NAA35: variants seen among roughly 807,000 people sequenced by gnomAD.
NAA35 encodes N-alpha-acetyltransferase 35, NatC auxiliary subunit, also known as MAK10 homolog, amino-acid N-acetyltransferase subunit.
A neutral mutation model predicts 101.7 loss-of-function variants in NAA35; 18 were observed. That is an observed-to-expected ratio of 0.18 (90% confidence interval 0.12 to 0.26). The LOEUF (loss-of-function observed/expected upper bound fraction) is 0.26. NAA35 is among the 10% of genes least tolerant of loss of function. The probability of loss-of-function intolerance (pLI) is 1.00; values close to 1 mark genes in which losing one functional copy is unlikely to be tolerated. For synonymous variants in NAA35, 267 were observed against 273.1 expected (o/e 0.98, Z 0.22); for missense variants, 601 against 886.8 (o/e 0.68, Z 4.09).
At chr9:86,017,233 T>C (rs539702959) in intron 18 of NAA35, among the ~76,000 whole-genome samples, 107 of 152,352 alleles carry the variant, frequency 7.0e-4, no homozygotes, top group African/African-American at 2.5e-3. Context: ...GGGTTTCCTA[T>C]ATAAGAGGTT....
intron 11 of NAA35, chr9:85,986,573 A>G: frequency 2.7e-6 from 1 of 376,154 alleles, no homozygotes; most frequent in Non-Finnish European, 5.3e-6. Flanking sequence ...GCCAATGTGT[A>G]GATCAGAGGT....
intron 2 of NAA35, among the ~76,000 whole-genome samples, chr9:85,953,955 T>C (rs1829131401): frequency 6.6e-6 from 1 of 152,204 alleles, no homozygotes; most frequent in Non-Finnish European, 1.5e-5. Context: ...GTTTCCCATG[T>C]TTTTTGATTG....
intron 2 of NAA35, among the ~76,000 whole-genome samples, chr9:85,952,365 A>G (rs1384475350): frequency 6.7e-6 from 1 of 149,578 alleles, no homozygotes; most frequent in African/African-American, 2.5e-5. Context: ...GGCTCACTAC[A>G]ACTTCTACCT....
intron 4 of NAA35, among the ~76,000 whole-genome samples, chr9:85,959,569 C>G (rs1049260391): frequency 5.3e-5 from 8 of 151,834 alleles, no homozygotes; most frequent in African/African-American, 1.9e-4. Flanking sequence ...ATTGTTTTTA[C>G]AATTATTATT....
intron 11 of NAA35, among the ~76,000 whole-genome samples, chr9:85,983,334 G>A (rs546109387): frequency 6.6e-6 from 1 of 152,268 alleles, no homozygotes; most frequent in South Asian, 2.1e-4. Flanking sequence ...ATTCTTCTTA[G>A]GGAAATCTGA....
chr9:85,962,208 T>C, intron 6 of NAA35, 28 bp downstream of exon 6: 1 of 1,607,078 alleles, frequency 6.2e-7, no homozygotes, highest in South Asian at 1.1e-5. Flanking sequence ...AAGAAATCCT[T>C]GGCCAGGTGC....
intron 10 of NAA35, among the ~76,000 whole-genome samples, chr9:85,977,714 A>G (rs1399131623): frequency 1.3e-5 from 2 of 152,194 alleles, no homozygotes; most frequent in African/African-American, 2.4e-5. Flanking sequence ...AAAAGGAGAA[A>G]GTAAAATTTT....
intron 6 of NAA35, among the ~76,000 whole-genome samples, chr9:85,963,097 G>A (rs1260374236): frequency 6.6e-6 from 1 of 152,128 alleles, no homozygotes; most frequent in South Asian, 2.1e-4. Flanking sequence ...AAATTCTTCT[G>A]TTGAAACTGA....
rs140181232 is a variant in NAA35, at chr9:86,016,345, T to C, written c.1569-194T>C. 9.5e-4 allele frequency among the ~76,000 whole-genome samples: 145 copies of C among 152,342 alleles called. 2 individuals carry two copies. In the East Asian group the frequency reaches 0.021, roughly 22 times the overall value. On this transcript the variant is annotated intron_variant, in intron 17 of 22. Transcript: ENST00000361671. ...CATGTATAATTATCAAGAAATCTTC[T>C]GGAAAGTTGTAAAATGTAGAAAGGG... is the stretch of plus-strand genomic sequence containing the variant.
intron 2 of NAA35, among the ~76,000 whole-genome samples, chr9:85,951,261 A>G (rs1485290551): frequency 1.3e-5 from 2 of 152,238 alleles, no homozygotes; most frequent in Admixed American, 6.5e-5. Context: ...CATTTTTGCA[A>G]ATCACTTCAA....
chr9:85,957,092 CACGTATA>C (rs1271390439), intron 3 of NAA35, among the ~76,000 whole-genome samples: 1 of 152,166 alleles, frequency 6.6e-6, no homozygotes, highest in Non-Finnish European at 1.5e-5. Context: ...GTCAAGAATC[CACGTATA>C]ACCTTTGACT....
intron 5 of NAA35, among the ~76,000 whole-genome samples, chr9:85,961,088 G>A (rs1829493263): frequency 6.6e-6 from 1 of 152,188 alleles, no homozygotes; most frequent in Non-Finnish European, 1.5e-5. Flanking sequence ...GAACTATTCT[G>A]TGAGACTCTT....
intron 6 of NAA35, among the ~76,000 whole-genome samples, chr9:85,968,678 A>C (rs891038735): frequency 6.6e-6 from 1 of 152,108 alleles, no homozygotes; most frequent in Non-Finnish European, 1.5e-5. Flanking sequence ...ATCTGGATAT[A>C]ACCTAATATT....
At chr9:85,943,741 T>C (rs1022286725) in intron 2 of NAA35, among the ~76,000 whole-genome samples, 2 of 152,186 alleles carry the variant, frequency 1.3e-5, no homozygotes, top group Non-Finnish European at 2.9e-5. Context: ...AAGTAATCTC[T>C]ATTAGGGGGC....
chr9:85,987,186 T>G (rs1346826866), intron 11 of NAA35: 1 of 152,056 alleles, frequency 6.6e-6, no homozygotes. Context: ...GTGGAAAACA[T>G]GGTTAGAGGA....
intron 12 of NAA35, among the ~76,000 whole-genome samples, chr9:85,998,208 C>A (rs1020951937): frequency 3.3e-5 from 5 of 152,124 alleles, no homozygotes; most frequent in African/African-American, 1.2e-4. Flanking sequence ...GCCACTGTGC[C>A]CGGCCTTAAG....
chr9:86,013,182 A>G (rs1218304657), intron 16 of NAA35, 38 bp downstream of exon 16: 6 of 1,262,496 alleles, frequency 4.8e-6, no homozygotes, highest in South Asian at 2.7e-5. Context: ...AAATTAAATG[A>G]TGCACACACT....
In NAA35 at chr9:86,013,127, G is replaced by C. The variant is rs771731209; in HGVS notation, c.1372G>C (p.Ala458Pro). 1 of 1,593,602 alleles carries C rather than the reference G, an allele frequency of 6.3e-7. No individual in the cohort carries two copies. Among genetic ancestry groups the C allele is most frequent in the African/African-American group, 1.3e-5 (1 of 74,744 alleles). The change falls in exon 16 of 23, where the codon GCC becomes CCC. Residue 458 changes from alanine (A) to proline (P), a missense_variant. Around this residue, in one of 8 missense-constraint regions of NAA35, gnomAD observed 99 missense variants for 206.7 expected, o/e 0.48. Transcript: ENST00000361671. ...DKLGHILEEF[A>P]TLQDEAEKVD... ...GCTTGGTCATATTCTTGAGGAATTT[G>C]CCACCTTGCAGGATGAGGTAAGAGC... is the stretch of plus-strand genomic sequence containing the variant.
chr9:85,992,223 T>C (rs1830950014), intron 11 of NAA35, among the ~76,000 whole-genome samples: 1 of 151,142 alleles, frequency 6.6e-6, no homozygotes, highest in Non-Finnish European at 1.5e-5. Context: ...TAGGAACATA[T>C]CAGTTGGATA....
Sources: allele counts gnomAD v4.1 joint callset (sites outside exome capture counted in the v4.1 genomes callset), GRCh38; gene constraint gnomAD v4.1.1; regional missense constraint gnomAD v4.1.1; transcripts MANE v1.5; gene names NCBI Gene and HGNC (gene_info 2026-07-23, HGNC 2026-07-21).